The following TAFA2 variants were observed in gnomAD, a reference collection of about 807,000 sequenced individuals.
TAFA2 encodes TAFA chemokine like family member 2.
TAFA2 carries 7 observed loss-of-function variants against 18.8 expected under a neutral mutation model. The ratio of observed to expected loss-of-function variants is 0.37; its 90% CI spans 0.21 to 0.70. TAFA2 has a LOEUF of 0.70. TAFA2 is among the 30% of genes least tolerant of loss of function. The pLI is 0.53. For missense variants in TAFA2, 122 were observed against 158.1 expected, an observed-to-expected ratio of 0.77 and a Z score of 1.23; for synonymous variants, 60 against 54.2, an observed-to-expected ratio of 1.11 and a Z score of -0.47.
At chr12:61,951,264 A>T (rs1350091059) in intron 1 of TAFA2, among the ~76,000 whole-genome samples, 1 of 152,184 alleles carries the variant, frequency 6.6e-6, no homozygotes, top group Non-Finnish European at 1.5e-5. Flanking sequence ...GCTTACGCAA[A>T]TGGTCTTCCC....
intron 4 of TAFA2, among the ~76,000 whole-genome samples, chr12:61,732,087 G>A (rs1592351491): frequency 6.6e-6 from 1 of 152,062 alleles, no homozygotes. Flanking sequence ...TTTGAGACAG[G>A]GATGTACAAT....
At chr12:61,870,098 G>A (rs1209844613) in intron 1 of TAFA2, among the ~76,000 whole-genome samples, 1 of 152,118 alleles carries the variant, frequency 6.6e-6, no homozygotes, top group African/African-American at 2.4e-5. Flanking sequence ...AAAGTTGCCA[G>A]GCTGTCAAAG....
intron 1 of TAFA2, among the ~76,000 whole-genome samples, chr12:62,114,122 A>C (rs1198795947): frequency 6.6e-6 from 1 of 152,196 alleles, no homozygotes; most frequent in African/African-American, 2.4e-5. Flanking sequence ...CTGGTAGTGT[A>C]GGTACCCAAG....
intron 1 of TAFA2, among the ~76,000 whole-genome samples, chr12:62,224,239 A>G (rs891347502): frequency 1.3e-5 from 2 of 152,206 alleles, no homozygotes; most frequent in Admixed American, 6.5e-5. Context: ...AAGCATTTGT[A>G]TGATTCCACC....
At chr12:62,219,876 A>G (rs2062753433) in intron 1 of TAFA2, among the ~76,000 whole-genome samples, 2 of 152,196 alleles carry the variant, frequency 1.3e-5, no homozygotes, top group African/African-American at 4.8e-5. Flanking sequence ...AAAATACTCA[A>G]CAAGCTAAGC....
chr12:62,205,052 T>C (rs561861702), intron 1 of TAFA2, among the ~76,000 whole-genome samples: 4 of 152,350 alleles, frequency 2.6e-5, no homozygotes, highest in South Asian at 2.1e-4. Flanking sequence ...TGTTTTCTGT[T>C]TGTTTTTCTT....
chr12:61,906,500 C>T (rs1244101759), intron 1 of TAFA2, among the ~76,000 whole-genome samples: 1 of 152,188 alleles, frequency 6.6e-6, no homozygotes, highest in African/African-American at 2.4e-5. Flanking sequence ...TTTAAACTTC[C>T]TTTCCTTTAT....
At chr12:62,081,685 T>A (rs1868327240) in intron 1 of TAFA2, among the ~76,000 whole-genome samples, 1 of 151,866 alleles carries the variant, frequency 6.6e-6, no homozygotes, top group African/African-American at 2.4e-5. Context: ...GGGTTTCACT[T>A]TTTTGGCCAG....
At chr12:61,827,145 G>A (rs1226146366) in intron 2 of TAFA2, 3 of 152,062 alleles carry the variant, frequency 2.0e-5, no homozygotes, top group African/African-American at 7.2e-5. Flanking sequence ...TTAAAAGGAA[G>A]CAGTTTACCT....
At chr12:62,040,565 G>T (rs552828810) in intron 1 of TAFA2, among the ~76,000 whole-genome samples, 2 of 152,228 alleles carry the variant, frequency 1.3e-5, no homozygotes, top group African/African-American at 4.8e-5. Flanking sequence ...TATTGCTAGA[G>T]CTAGAAGAGC....
intron 1 of TAFA2, among the ~76,000 whole-genome samples, chr12:62,169,825 T>A (rs966333175): frequency 8.0e-6 from 1 of 124,668 alleles, no homozygotes; most frequent in Non-Finnish European, 1.6e-5. Context: ...CACTCCAGAC[T>A]GGGCGACAGG....
intron 1 of TAFA2, among the ~76,000 whole-genome samples, chr12:61,933,758 T>C (rs1273462377): frequency 2.0e-5 from 3 of 152,182 alleles, no homozygotes; most frequent in Admixed American, 6.5e-5. Context: ...GTAATGGTAA[T>C]TGATATAGTA....
At chr12:62,031,687 C>G (rs1221725841) in intron 1 of TAFA2, among the ~76,000 whole-genome samples, 1 of 152,132 alleles carries the variant, frequency 6.6e-6, no homozygotes, top group Non-Finnish European at 1.5e-5. Flanking sequence ...ACTTTGAGAA[C>G]TTGGGGATCA....
chr12:62,182,985 G>A (rs2062561515), intron 1 of TAFA2, among the ~76,000 whole-genome samples: 1 of 152,192 alleles, frequency 6.6e-6, no homozygotes, highest in Admixed American at 6.5e-5. Context: ...GAGGGCAGAT[G>A]TCTGCCTTTT....
chr12:62,011,843 A>C (rs1880781614), intron 1 of TAFA2, among the ~76,000 whole-genome samples: 1 of 152,084 alleles, frequency 6.6e-6, no homozygotes, highest in Non-Finnish European at 1.5e-5. Flanking sequence ...CTGCAACTGC[A>C]CTAAGCTCTT....
intron 2 of TAFA2, among the ~76,000 whole-genome samples, chr12:61,809,667 T>C (rs1266292734): frequency 6.6e-6 from 1 of 151,420 alleles, no homozygotes; most frequent in African/African-American, 2.5e-5. Context: ...ATGATACTAC[T>C]GGGTTTTCTT....
intron 1 of TAFA2, among the ~76,000 whole-genome samples, chr12:62,225,884 GT>G (rs1468849099): frequency 2.6e-5 from 4 of 152,190 alleles, no homozygotes; most frequent in African/African-American, 9.6e-5. Context: ...GTATAAATGG[GT>G]TTAAAATCTG....
chr12:61,839,231 T>G (rs1007251178), intron 2 of TAFA2, among the ~76,000 whole-genome samples: 5 of 152,064 alleles, frequency 3.3e-5, no homozygotes, highest in African/African-American at 9.7e-5. Context: ...TGTTTTTCAG[T>G]GGGCAGACAA....
chr12:62,257,711 A>AT (rs1031514516), intron 1 of TAFA2, among the ~76,000 whole-genome samples: 1 of 152,226 alleles, frequency 6.6e-6, no homozygotes, highest in African/African-American at 2.4e-5. Flanking sequence ...AAACTGGTAC[A>AT]TTCATCAAAA....
Sources: allele counts gnomAD v4.1 joint callset (sites outside exome capture counted in the v4.1 genomes callset), GRCh38; gene constraint gnomAD v4.1.1; transcripts MANE v1.5; gene names NCBI Gene and HGNC (gene_info 2026-07-23, HGNC 2026-07-21).